MGAT1: variants seen among roughly 807,000 people sequenced by gnomAD.
MGAT1 encodes alpha-1,3-mannosyl-glycoprotein 2-beta-N-acetylglucosaminyltransferase, also known as N-glycosyl-oligosaccharide-glycoprotein N-acetylglucosaminyltransferase I.
A neutral mutation model predicts 31.7 loss-of-function variants in MGAT1; 14 were observed. That is an observed-to-expected ratio of 0.44 (90% confidence interval 0.29 to 0.69). The LOEUF is 0.69. Among genes scored for constraint, MGAT1 ranks in the 30% least tolerant of loss-of-function variants. The pLI is 0.12. For missense variants in MGAT1, 557 were observed against 626.0 expected (o/e 0.89, Z 1.18); for synonymous variants, 338 against 276.0 (o/e 1.22, Z -2.23).
chr5:180,792,510 G>A lies in MGAT1; in HGVS notation c.462C>T (p.Ser154=), dbSNP rs1768395576. 6.2e-7 allele frequency: 1 copy of A among 1,612,922 alleles called. No individual in the cohort carries two copies. Among genetic ancestry groups the A allele is most frequent in the Admixed American group, 1.7e-5 (1 of 59,990 alleles). The change falls in exon 2 of 2, where the codon TCC becomes TCT. Residue 154 remains serine, a synonymous_variant. Coordinates refer to ENST00000307826, the MANE Select transcript of MGAT1 (RefSeq NM_002406.4). The part of the protein sequence containing the change: ...GHEETAQAIA[S]YGSAVTHIRQ... ...GGATGTGCGTGACCGCGCTGCCGTAGGAGGCGATGGCCTGGGCCGTCTCCT... is the reference window on the plus strand; with the variant it reads ...GGATGTGCGTGACCGCGCTGCCGTAAGAGGCGATGGCCTGGGCCGTCTCCT...
chr5:180,811,927 G>A (rs571935751), intron 1 of MGAT1, among the ~76,000 whole-genome samples: 1 of 152,150 alleles, frequency 6.6e-6, no homozygotes, highest in Non-Finnish European at 1.5e-5. Context: ...GAACCCTTCA[G>A]CTCTTTCAAA....
In MGAT1 at chr5:180,792,292, G is replaced by T. The variant is rs149151044; in HGVS notation, c.680C>A (p.Pro227Gln). ...DFFEYFRATY[P>Q]LLKADPSLWC... is the part of the protein sequence containing the mutation. ...CAGGGAGGGGTCGGCCTTCAGCAGCGGATAGGTGGCCCGAAAGTACTCGAA... is the reference window on the plus strand; with the variant it reads ...CAGGGAGGGGTCGGCCTTCAGCAGCTGATAGGTGGCCCGAAAGTACTCGAA... Residue 227 changes from proline (P) to glutamine (Q), a missense_variant, in exon 2 of 2, where the codon CCG (proline) becomes CAG (glutamine). Physicochemically the swap from Pro to Gln is moderately conservative, Grantham distance 76. Around this residue, in one of 3 missense-constraint regions of MGAT1, gnomAD observed 245 missense variants for 332.9 expected, o/e 0.74. Coordinates refer to ENST00000307826, the MANE Select transcript of MGAT1 (RefSeq NM_002406.4). 7.5e-6 allele frequency: 12 copies of T among 1,610,342 alleles called. No homozygotes were observed. The East Asian group carries it at 2.2e-4, about 30-fold the overall frequency.
intron 2 of MGAT1, among the ~76,000 whole-genome samples, chr5:180,808,129 G>A (rs977418382): frequency 6.6e-6 from 1 of 152,176 alleles, no homozygotes. Flanking sequence ...CCTGTGTTCT[G>A]TTCCTCTGCT....
Position 180,793,094 on chromosome 5 carries a change from G to A in MGAT1, c.-123C>T, listed in dbSNP as rs749013022. ...GACTATGGGATTAGGAGGCAGCCAT[G>A]CACCTAAAGACAGGAGAGAGAAAGC... is the stretch of plus-strand genomic sequence containing the variant. On this transcript the variant is annotated 5_prime_UTR_variant, in exon 2 of 2. Coordinates refer to ENST00000307826, the MANE Select transcript of MGAT1 (RefSeq NM_002406.4). 4.1e-4 allele frequency: 480 copies of A among 1,183,706 alleles called. 1 individual carries two copies. Among genetic ancestry groups the A allele is most frequent in the Non-Finnish European group, 5.3e-4 (456 of 852,696 alleles). 73.3% of individuals were successfully genotyped at this position (1,183,706 alleles called of 1,614,324 possible).
intron 1 of MGAT1, among the ~76,000 whole-genome samples, chr5:180,797,440 G>C (rs920462899): frequency 5.8e-5 from 7 of 121,712 alleles, no homozygotes; most frequent in Non-Finnish European, 1.2e-4. Flanking sequence ...GGGGGGGGGG[G>C]CCCAGAGGGA....
upstream of MGAT1, among the ~76,000 whole-genome samples, chr5:180,806,647 AC>A (rs781433491): frequency 6.6e-6 from 1 of 152,148 alleles, no homozygotes; most frequent in Non-Finnish European, 1.5e-5. Flanking sequence ...CCTTAGGCAA[AC>A]CCTTCCCACT....
chr5:180,797,519 A>C (rs1354121149), intron 1 of MGAT1, among the ~76,000 whole-genome samples: 1 of 151,494 alleles, frequency 6.6e-6, no homozygotes, highest in Non-Finnish European at 1.5e-5. Context: ...CCTTGAGATA[A>C]CTTCTGCACC....
chr5:180,807,014 A>C (rs907373936), upstream of MGAT1, among the ~76,000 whole-genome samples: 28 of 152,230 alleles, frequency 1.8e-4, no homozygotes, highest in South Asian at 4.1e-4. Flanking sequence ...GAGAAAGTAC[A>C]GCTCGGGAGC....
In MGAT1 at chr5:180,791,422, C is replaced by T. The variant is rs555437117; in HGVS notation, c.*212G>A. On this transcript the variant is annotated 3_prime_UTR_variant, in exon 2 of 2. Coordinates refer to ENST00000307826, the MANE Select transcript of MGAT1 (RefSeq NM_002406.4). ...TGGTTTCCTGCTTAATACCCCGCAA[C>T]ATACCCTAGAATAGTTCCCCTGATC... 2 of 657,682 alleles carry T rather than the reference C, an allele frequency of 3.0e-6. No homozygotes were observed. The highest frequency in any genetic ancestry group is 3.0e-5 in the Admixed American group (1 of 33,528). 40.7% of individuals were successfully genotyped at this position (657,682 alleles called of 1,614,324 possible).
chr5:180,792,671 G>C lies in MGAT1; in HGVS notation c.301C>G (p.Pro101Ala), dbSNP rs1052733464. 7.6e-6 allele frequency: 12 copies of C among 1,575,266 alleles called. No homozygotes were observed. The highest frequency in any genetic ancestry group is 4.0e-5 in the African/African-American group (3 of 74,084). ...PPAQPRVPVT[P>A]APAVIPILVI... ...AGGATGGGAATCACCGCCGGCGCGG[G>C]GGTCACAGGCACACGCGGCTGGGCG... is the stretch of plus-strand genomic sequence containing the variant. The change falls in exon 2 of 2, where the codon CCC (proline) becomes GCC (alanine). Residue 101 changes from proline to alanine, a missense_variant. This residue lies in a region of MGAT1 where 167 missense variants were observed against 149.8 expected (regional missense o/e 1.11). Coordinates refer to ENST00000307826, the MANE Select transcript of MGAT1 (RefSeq NM_002406.4).
chr5:180,791,846 T>C lies in MGAT1; in HGVS notation c.1126A>G (p.Asn376Asp). The C allele has an allele frequency of 2.5e-6, 4 of 1,614,200 alleles. No individual in the cohort carries two copies. Among genetic ancestry groups the C allele is most frequent in the Non-Finnish European group, 3.4e-6 (4 of 1,180,042 alleles). ...PQLQVEKVRT[N>D]DRKELGEVRV... is the part of the protein sequence containing the mutation. ...ACCTCCCCCAGCTCCTTCCGGTCAT[T>C]GGTCCTCACTTTCTCCACCTGCAGC... The change falls in exon 2 of 2, where the codon AAT becomes GAT. Residue 376 changes from asparagine (N) to aspartate (D), a missense_variant. Physicochemically the swap from Asn to Asp is conservative, Grantham distance 23 (BLOSUM62 1). This residue lies in a region of MGAT1 where 145 missense variants were observed against 143.2 expected (regional missense o/e 1.01). Coordinates refer to ENST00000307826, the MANE Select transcript of MGAT1 (RefSeq NM_002406.4).
At position 180,789,266 on chromosome 5, in the gene MGAT1, T is replaced by C. The variant is rs1289392747; in HGVS notation, c.*2368A>G. The C allele has an allele frequency of 6.6e-6, 1 of 152,316 alleles. No individual in the cohort carries two copies. The highest frequency in any genetic ancestry group is 2.4e-5 in the African/African-American group (1 of 41,472). 9.4% of individuals were successfully genotyped at this position (152,316 alleles called of 1,614,324 possible). A position where few individuals can be genotyped will look rare whatever the true frequency, so the allele number is the denominator to read the frequency against. ...CCAAAGTAGTTTCTGCCAAGAAAGT[T>C]GCCTAGCCCAGGGTTTTTGGTTTGT... On this transcript the variant is annotated 3_prime_UTR_variant, in exon 2 of 2. Transcript: ENST00000307826.
intron 1 of MGAT1, among the ~76,000 whole-genome samples, chr5:180,798,204 G>T (rs1260068654): frequency 6.6e-6 from 1 of 152,160 alleles, no homozygotes; most frequent in African/African-American, 2.4e-5. Context: ...GAACAGTGCC[G>T]GCATGACAAC....
chr5:180,799,979 C>T (rs190845582), intron 1 of MGAT1, among the ~76,000 whole-genome samples: 2 of 152,264 alleles, frequency 1.3e-5, no homozygotes, highest in Non-Finnish European at 2.9e-5. Flanking sequence ...CAGCATCAAC[C>T]GCTAGACACA....
At position 180,791,460 on chromosome 5, in the gene MGAT1, G is replaced by T; in HGVS notation, c.*174C>A. The T allele has an allele frequency of 1.3e-6, 1 of 785,806 alleles. No homozygotes were observed. The highest frequency in any genetic ancestry group is 2.0e-6 in the Non-Finnish European group (1 of 492,592). The allele number at this position is 785,806 out of a possible 1,614,324, so 48.7% of individuals were successfully genotyped here. A position where few individuals can be genotyped will look rare whatever the true frequency, so the allele number is the denominator to read the frequency against. ...AGTTCCCCTGATCTGACTCCCTTGA[G>T]AACGGGAGAATAATCCTCTTGTTAT... On this transcript the variant is annotated 3_prime_UTR_variant, in exon 2 of 2. Transcript: ENST00000307826.
rs1006012331 is a variant in MGAT1 at position 180,790,515 on chromosome 5, C to T, written c.*1119G>A. The T allele has an allele frequency of 6.6e-6, 1 of 152,430 alleles. No homozygotes were observed. The highest frequency in any genetic ancestry group is 1.5e-5 in the Non-Finnish European group (1 of 68,142). 9.4% of individuals were successfully genotyped at this position (152,430 alleles called of 1,614,324 possible). A position where few individuals can be genotyped will look rare whatever the true frequency, so the allele number is the denominator to read the frequency against. ...TCCTTTCTTTCCCTGCCTGCCACCT[C>T]CTTTTCCAGGACACACACACATAAA... On this transcript the variant is annotated 3_prime_UTR_variant, in exon 2 of 2. Transcript: ENST00000307826.
upstream of MGAT1, among the ~76,000 whole-genome samples, chr5:180,806,822 T>C (rs1771940809): frequency 6.6e-6 from 1 of 152,216 alleles, no homozygotes; most frequent in Non-Finnish European, 1.5e-5. Context: ...CAGAGATGGC[T>C]GAGGAGGCAC....
intron 1 of MGAT1, chr5:180,809,692 C>G (rs543569455): frequency 6.6e-6 from 1 of 152,224 alleles, no homozygotes; most frequent in African/African-American, 2.4e-5. Context: ...ATGTTTAAGG[C>G]CCAAGTCCTG....
intron 2 of MGAT1, among the ~76,000 whole-genome samples, chr5:180,807,917 T>A (rs1195473497): frequency 2.6e-5 from 4 of 152,308 alleles, no homozygotes; most frequent in South Asian, 2.1e-4. Flanking sequence ...TAGAGCAACA[T>A]CGATGTTATT....
Sources: gnomAD v4.1 joint callset for allele counts (sites outside exome capture counted in the v4.1 genomes callset) on GRCh38, gnomAD v4.1.1 for gene constraint, gnomAD v4.1.1 regional missense constraint, MANE v1.5 for transcripts, NCBI Gene and HGNC (gene_info 2026-07-23, HGNC 2026-07-21) for gene names.